Variants in WWOX observed in about 807,000 individuals in gnomAD.
WWOX encodes the protein WW domain-containing oxidoreductase.
A neutral mutation model predicts 46.2 loss-of-function variants in WWOX; 69 were observed. The ratio of observed to expected loss-of-function variants is 1.49; its 90% CI spans 1.23 to 1.82. WWOX has a LOEUF of 1.82. Among genes scored for constraint, WWOX ranks in the 40% most tolerant of loss-of-function variants. WWOX has a pLI of 0.00. For synonymous variants in WWOX, 359 were observed against 202.6 expected (o/e 1.77, Z -6.56); for missense variants, 919 against 542.6 (o/e 1.69, Z -6.89).
chr16:78,891,878 C>G (rs887349037), intron 8 of WWOX: 5 of 152,192 alleles, frequency 3.3e-5, no homozygotes, highest in African/African-American at 1.2e-4. Context: ...TTCATCAACT[C>G]TAACAAATGA....
In WWOX at chr16:79,174,726, G is replaced by A. The variant is rs573972487; in HGVS notation, c.1057-36882G>A. Among the ~76,000 whole-genome samples, 23 of 152,308 alleles carry A rather than the reference G, an allele frequency of 1.5e-4. No individual in the cohort carries two copies. In the South Asian group the frequency reaches 4.6e-3, roughly 30 times the overall value. On this transcript the variant is annotated intron_variant, in intron 8 of 8. Transcript: ENST00000566780. The stretch of plus-strand genomic sequence containing the variant: ...AAGCACTGAGGTGAAATGAAGCCTA[G>A]ATGGTTCTTTTAGAATATGAGTGAG...
chr16:78,691,862 C>T (rs1396903161), intron 8 of WWOX, among the ~76,000 whole-genome samples: 3 of 152,182 alleles, frequency 2.0e-5, no homozygotes, highest in Non-Finnish European at 2.9e-5. Context: ...CCAGAATTCC[C>T]ACATGTTGTG....
At chr16:78,239,284 C>A (rs1157871273) in intron 5 of WWOX, among the ~76,000 whole-genome samples, 1 of 152,130 alleles carries the variant, frequency 6.6e-6, no homozygotes, top group Non-Finnish European at 1.5e-5. Flanking sequence ...CAGATGCTGG[C>A]AGAGATGGGG....
At chr16:78,720,424 A>G (rs915122538) in intron 8 of WWOX, among the ~76,000 whole-genome samples, 3 of 149,848 alleles carry the variant, frequency 2.0e-5, no homozygotes, top group Non-Finnish European at 4.4e-5. Flanking sequence ...AAACTTATAC[A>G]TCATTTTATA....
chr16:78,393,736 G>T (rs901837517), intron 6 of WWOX, among the ~76,000 whole-genome samples: 1 of 151,912 alleles, frequency 6.6e-6, no homozygotes, highest in Non-Finnish European at 1.5e-5. Context: ...CTGCATTTTT[G>T]ATCATGGATT....
Position 78,331,978 on chromosome 16 carries a change from C to A in WWOX, c.517-54882C>A, listed in dbSNP as rs184958234. Among the ~76,000 whole-genome samples the A allele has an allele frequency of 1.9e-3, 291 of 152,254 alleles. 1 individual carries two copies. The highest frequency in any genetic ancestry group is 6.8e-3 in the African/African-American group (284 of 41,548). ...AGGCTAGCTGACTCCAAAGCTGTGT[C>A]CTCAAGCAGTACATCAGAGCCGAGG... On this transcript the variant is annotated intron_variant, in intron 5 of 8. Transcript: ENST00000566780.
chr16:78,614,216 G>T (rs2151634485), intron 8 of WWOX, among the ~76,000 whole-genome samples: 1 of 152,310 alleles, frequency 6.6e-6, no homozygotes, highest in Non-Finnish European at 1.5e-5. Context: ...GTTATTGAAA[G>T]AACTATCTGT....
intron 3 of WWOX, 142 bp from the exon 4 acceptor site, chr16:78,114,834 C>A: frequency 9.9e-7 from 1 of 1,005,492 alleles, no homozygotes; most frequent in Non-Finnish European, 1.5e-6. Flanking sequence ...AAGATAGATT[C>A]AGTGGGCCCC....
chr16:78,320,506 C>T (rs1302242580), intron 5 of WWOX, among the ~76,000 whole-genome samples: 1 of 152,146 alleles, frequency 6.6e-6, no homozygotes, highest in Non-Finnish European at 1.5e-5. Flanking sequence ...AAATAAATCC[C>T]CGTAAGAGCA....
At chr16:78,744,496 G>C (rs1372632537) in intron 8 of WWOX, among the ~76,000 whole-genome samples, 1 of 134,882 alleles carries the variant, frequency 7.4e-6, no homozygotes, top group African/African-American at 2.9e-5. Context: ...CAGTGGCACA[G>C]TCTTGGCTCA....
At chr16:78,222,401 A>C (rs897173986) in intron 5 of WWOX, among the ~76,000 whole-genome samples, 5 of 152,030 alleles carry the variant, frequency 3.3e-5, no homozygotes, top group Non-Finnish European at 5.9e-5. Flanking sequence ...AACTTGGGAC[A>C]ACCTGTGCCC....
intron 8 of WWOX, among the ~76,000 whole-genome samples, chr16:78,830,268 T>C (rs2051780311): frequency 6.6e-6 from 1 of 151,794 alleles, no homozygotes; most frequent in African/African-American, 2.4e-5. Flanking sequence ...GGGGTTATTG[T>C]CCTCCCTTTG....
chr16:79,044,456 C>T (rs1213504347), intron 8 of WWOX, among the ~76,000 whole-genome samples: 1 of 152,110 alleles, frequency 6.6e-6, no homozygotes, highest in African/African-American at 2.4e-5. Context: ...GTTGGGGGAG[C>T]TGGTCATTTA....
At chr16:78,422,419 T>A (rs76389311) in intron 6 of WWOX, among the ~76,000 whole-genome samples, 4 of 151,130 alleles carry the variant, frequency 2.6e-5, no homozygotes, top group African/African-American at 9.8e-5. Flanking sequence ...TCATAGCTCA[T>A]TGCAGCCCTT....
chr16:78,723,424 A>G (rs2048740151), intron 8 of WWOX, among the ~76,000 whole-genome samples: 1 of 146,810 alleles, frequency 6.8e-6, no homozygotes, highest in South Asian at 2.3e-4. Context: ...GTGCCAAGCT[A>G]TTATTATAAA....
At chr16:78,131,819 C>T (rs549280863) in intron 4 of WWOX, among the ~76,000 whole-genome samples, 184 of 150,700 alleles carry the variant, frequency 1.2e-3, no homozygotes, top group Non-Finnish European at 1.9e-3. Flanking sequence ...CTCCTGACCT[C>T]GTGATCCTCC....
intron 8 of WWOX, among the ~76,000 whole-genome samples, chr16:78,810,112 T>C (rs1167013640): frequency 2.0e-5 from 3 of 152,202 alleles, no homozygotes; most frequent in African/African-American, 7.2e-5. Context: ...ATTAAGAGTA[T>C]GGGGAAGAGG....
intron 8 of WWOX, among the ~76,000 whole-genome samples, chr16:78,993,633 G>A (rs1597249349): frequency 6.6e-6 from 1 of 152,210 alleles, no homozygotes; most frequent in South Asian, 2.1e-4. Flanking sequence ...CTGCTCCAGA[G>A]TGAGCCCATG....
rs370850635 is a variant in WWOX at position 78,857,234 on chromosome 16, C to G, written c.1057-354374C>G. On this transcript the variant is annotated intron_variant, in intron 8 of 8. Transcript: ENST00000566780. ...GGGCAAAGATAATGAACAAGAAATTCATTGAAAAGAATTGGCAAACATGAA... is the reference window on the plus strand; with the variant it reads ...GGGCAAAGATAATGAACAAGAAATTGATTGAAAAGAATTGGCAAACATGAA... 1.2e-3 allele frequency among the ~76,000 whole-genome samples: 178 copies of G among 152,232 alleles called. 1 individual carries two copies. In the East Asian group the frequency reaches 0.021, roughly 18 times the overall value.
Sources: allele counts gnomAD v4.1 joint callset (sites outside exome capture counted in the v4.1 genomes callset), GRCh38; gene constraint gnomAD v4.1.1; transcripts MANE v1.5; gene names NCBI Gene and HGNC (gene_info 2026-07-23, HGNC 2026-07-21).